The following GRIK2 variants were observed in gnomAD, a reference collection of about 807,000 sequenced individuals.
GRIK2 encodes the protein glutamate ionotropic receptor kainate type subunit 2, also known as glutamate receptor ionotropic, kainate 2.
A neutral mutation model predicts 100.3 loss-of-function variants in GRIK2; 32 were observed. The observed-to-expected ratio is 0.32, with a 90% confidence interval of 0.24 to 0.43. The LOEUF is 0.43. Ranked by LOEUF, GRIK2 falls within the 20% of genes least tolerant of loss-of-function variation. The pLI is 1.00. For missense variants in GRIK2, 843 were observed against 1,114.9 expected (o/e 0.76, Z 3.47); for synonymous variants, 417 against 389.4 (o/e 1.07, Z -0.83).
chr6:101,581,192 A>G (rs116868615), intron 2 of GRIK2, among the ~76,000 whole-genome samples: 3,951 of 150,638 alleles, frequency 0.026, 76 homozygotes, highest in Non-Finnish European at 0.042. Flanking sequence ...ACACACACAC[A>G]CATATATATA....
chr6:101,876,634 G>T (rs1785869268), intron 11 of GRIK2, among the ~76,000 whole-genome samples: 1 of 151,792 alleles, frequency 6.6e-6, no homozygotes, highest in African/African-American at 2.4e-5. Context: ...TGCACAGTGA[G>T]ATTTAATGTG....
In GRIK2 at chr6:101,626,495, C is replaced by T. The variant is rs367843830; in HGVS notation, c.399C>T (p.Arg133=). The change falls in exon 4 of 17, where the codon CGC becomes CGT. Residue 133 remains arginine, a synonymous_variant. Coordinates refer to ENST00000369134, the MANE Select transcript of GRIK2 (RefSeq NM_021956.5). The part of the protein sequence containing the change: ...NALGVPHIQT[R]WKHQVSDNKD... ...TGGGAGTTCCCCACATACAGACCCG[C>T]TGGAAGCACCAGGTGTCAGACAACA... 6 of 1,613,856 alleles carry T rather than the reference C, an allele frequency of 3.7e-6. No homozygotes were observed. Among genetic ancestry groups the T allele is most frequent in the South Asian group, 1.1e-5 (1 of 91,092 alleles).
At position 101,629,919 on chromosome 6, in the gene GRIK2, G is replaced by A. The variant is rs374975474; in HGVS notation, c.541+3282G>A. Among the ~76,000 whole-genome samples, 13 of 152,018 alleles carry A rather than the reference G, an allele frequency of 8.6e-5. No homozygotes were observed. The East Asian group carries it at 1.7e-3, about 20-fold the overall frequency. On this transcript the variant is annotated intron_variant, in intron 4 of 16. Coordinates refer to ENST00000369134, the MANE Select transcript of GRIK2 (RefSeq NM_021956.5). ...TCTATTTTTTCCTAGATTTATGTAC[G>A]TATGTACCAAATGTTTAGCTCCTAC...
intron 10 of GRIK2, among the ~76,000 whole-genome samples, chr6:101,820,624 A>C (rs1179031348): frequency 3.3e-5 from 5 of 151,976 alleles, no homozygotes; most frequent in Non-Finnish European, 7.4e-5. Context: ...TTGTATTTTT[A>C]GTAGAGATGG....
Position 102,035,530 on chromosome 6 carries a change from A to G in GRIK2, c.2275A>G (p.Ile759Val), listed in dbSNP as rs1770222511. ...NCNLTQIGGLIDSKGYGVGTP... is the reference protein window; with the variant it reads ...NCNLTQIGGLVDSKGYGVGTP... ...TAACCTGACACAGATTGGCGGCCTT[A>G]TAGACTCTAAAGGTTATGGCGTTGG... The change falls in exon 15 of 17, where the codon ATA becomes GTA. Residue 759 changes from isoleucine to valine, a missense_variant. Physicochemically the swap from Ile to Val is conservative, Grantham distance 29 (BLOSUM62 3). This residue lies in a region of GRIK2 where 237 missense variants were observed against 388.0 expected (regional missense o/e 0.61). Coordinates refer to ENST00000369134, the MANE Select transcript of GRIK2 (RefSeq NM_021956.5). 6.2e-7 allele frequency: 1 copy of G among 1,608,320 alleles called. No homozygotes were observed. The highest frequency in any genetic ancestry group is 8.5e-7 in the Non-Finnish European group (1 of 1,175,702).
chr6:101,805,242 C>T (rs1056541575), intron 9 of GRIK2, among the ~76,000 whole-genome samples: 3 of 151,510 alleles, frequency 2.0e-5, no homozygotes, highest in Admixed American at 6.6e-5. Context: ...AATTTCAGTT[C>T]CAATTCTATC....
intron 15 of GRIK2, among the ~76,000 whole-genome samples, chr6:102,037,118 G>A (rs895569721): frequency 7.3e-5 from 11 of 150,946 alleles, no homozygotes; most frequent in Non-Finnish European, 1.2e-4. Context: ...AAAAAAGCTC[G>A]AATTAGTTTT....
intron 14 of GRIK2, among the ~76,000 whole-genome samples, chr6:101,939,377 T>A (rs1474838958): frequency 1.3e-5 from 2 of 152,064 alleles, no homozygotes; most frequent in East Asian, 3.9e-4. Flanking sequence ...TTTGCTATTA[T>A]CCTTATTGTG....
At chr6:102,013,013 A>C (rs1795630099) in intron 14 of GRIK2, among the ~76,000 whole-genome samples, 2 of 152,114 alleles carry the variant, frequency 1.3e-5, no homozygotes, top group South Asian at 4.1e-4. Context: ...GAATCTGTAA[A>C]TTGCTCTGGG....
intron 14 of GRIK2, among the ~76,000 whole-genome samples, chr6:101,960,046 G>GAGT (rs1792187736): frequency 1.1e-5 from 1 of 87,624 alleles, no homozygotes; most frequent in Non-Finnish European, 2.1e-5. Context: ...CCTTTTTTTA[G>GAGT]TGTTTTGTTT....
At chr6:101,799,272 A>C (rs1240910417) in intron 7 of GRIK2, among the ~76,000 whole-genome samples, 1 of 132,388 alleles carries the variant, frequency 7.6e-6, no homozygotes, top group African/African-American at 3.3e-5. Flanking sequence ...TTAGCAATGT[A>C]CTCATTGTGT....
intron 7 of GRIK2, among the ~76,000 whole-genome samples, chr6:101,766,374 A>G (rs9404143): frequency 0.21 from 32,074 of 152,036 alleles, 5,265 homozygotes; most frequent in East Asian, 0.66. Context: ...TTAATAATTG[A>G]GGATATAAAA....
chr6:101,479,134 G>A (rs1320252828), intron 2 of GRIK2, among the ~76,000 whole-genome samples: 2 of 152,148 alleles, frequency 1.3e-5, no homozygotes, highest in African/African-American at 4.8e-5. Context: ...ATACAAATCA[G>A]AGAGGAAATG....
rs533483048 is a variant in GRIK2 at position 102,038,259 on chromosome 6, A to G, written c.2311+2693A>G. 7.2e-4 allele frequency among the ~76,000 whole-genome samples: 109 copies of G among 151,552 alleles called. 1 individual carries two copies. Among genetic ancestry groups the G allele is most frequent in the South Asian group, 2.9e-3 (14 of 4,824 alleles). On this transcript the variant is annotated intron_variant, in intron 15 of 16. Transcript: ENST00000369134. Reference sequence around the variant, plus strand: ...AATCAGGCACACTCTTAAAGTAGTTATGAGAGGTGGAAGCAGGGGTCTGTT... The same window carrying G: ...AATCAGGCACACTCTTAAAGTAGTTGTGAGAGGTGGAAGCAGGGGTCTGTT...
chr6:101,955,594 C>G (rs770427393), intron 14 of GRIK2, among the ~76,000 whole-genome samples: 1,111 of 76,104 alleles, frequency 0.015, 18 homozygotes, highest in Middle Eastern at 0.08. Context: ...CTCTCTCTCT[C>G]TCTCTCTCTC....
chr6:101,595,718 G>GTATA lies in GRIK2; in HGVS notation c.116-26211_116-26208dup, dbSNP rs370175425. On this transcript the variant is annotated intron_variant, in intron 2 of 16. Coordinates refer to ENST00000369134, the MANE Select transcript of GRIK2 (RefSeq NM_021956.5). ...TATATATGTGTGTGTGTGTGTGTGT[G>GTATA]TATATATATATATATATATATATTC... 5.7e-4 allele frequency among the ~76,000 whole-genome samples: 70 copies of GTATA among 122,320 alleles called. 1 individual carries two copies. Among genetic ancestry groups the GTATA allele is most frequent in the East Asian group, 1.4e-3 (6 of 4,360 alleles). 80.2% of individuals were successfully genotyped at this position (122,320 alleles called of 152,430 possible). A position where few individuals can be genotyped will look rare whatever the true frequency, so the allele number is the denominator to read the frequency against.
intron 2 of GRIK2, among the ~76,000 whole-genome samples, chr6:101,511,321 C>T (rs933376295): frequency 1.3e-5 from 2 of 152,140 alleles, no homozygotes; most frequent in Non-Finnish European, 2.9e-5. Flanking sequence ...TTGGTCTTGG[C>T]TTCCTTGTTC....
At chr6:101,598,592 T>TAAAAAAAAA (rs75603851) in intron 2 of GRIK2, among the ~76,000 whole-genome samples, 2 of 82,388 alleles carry the variant, frequency 2.4e-5, no homozygotes, top group Non-Finnish European at 4.8e-5. Flanking sequence ...TCTTCCTTAA[T>TAAAAAAAAA]AAAAAAAAAA....
intron 14 of GRIK2, among the ~76,000 whole-genome samples, chr6:101,971,717 T>C (rs1358230352): frequency 6.6e-6 from 1 of 151,856 alleles, no homozygotes; most frequent in Non-Finnish European, 1.5e-5. Context: ...TAGTGTCCAA[T>C]AGGTAGTTTT....
Sources: gnomAD v4.1 joint callset for allele counts (sites outside exome capture counted in the v4.1 genomes callset) on GRCh38, gnomAD v4.1.1 for gene constraint, gnomAD v4.1.1 regional missense constraint, MANE v1.5 for transcripts, NCBI Gene and HGNC (gene_info 2026-07-23, HGNC 2026-07-21) for gene names.